The following TNNI3K variants were observed in gnomAD, a reference collection of about 807,000 sequenced individuals.
TNNI3K encodes the protein TNNI3 interacting kinase, also known as serine/threonine-protein kinase TNNI3K.
In TNNI3K, 140 loss-of-function variants were observed where a neutral mutation model predicts 114.5. That is an observed-to-expected ratio of 1.22 (90% CI 1.07 to 1.41). TNNI3K has a LOEUF of 1.41. Among genes scored for constraint, TNNI3K ranks in the 40% most tolerant of loss-of-function variants. The pLI is 0.00. For missense variants in TNNI3K, 1,125 were observed against 1,007.6 expected (o/e 1.12, Z -1.58); for synonymous variants, 347 against 347.5 (o/e 1.00, Z 0.02).
Position 74,414,252 on chromosome 1 carries a change from C to G in TNNI3K, c.1773-21828C>G, listed in dbSNP as rs1434248134. 2.0e-5 allele frequency among the ~76,000 whole-genome samples: 3 copies of G among 152,122 alleles called. No individual in the cohort carries two copies. The East Asian group carries it at 5.8e-4, about 29-fold the overall frequency. On this transcript the variant is annotated intron_variant, in intron 17 of 24. Transcript: ENST00000326637. Reference sequence around the variant, plus strand: ...AATAACAAATCATTCTGCATTTTCTCTAAAATTTATACCTTGACATTGTGA... The same window carrying G: ...AATAACAAATCATTCTGCATTTTCTGTAAAATTTATACCTTGACATTGTGA...
intron 23 of TNNI3K, among the ~76,000 whole-genome samples, chr1:74,496,495 T>A (rs970174174): frequency 1.3e-5 from 2 of 152,188 alleles, no homozygotes; most frequent in Admixed American, 1.3e-4. Context: ...CAACACTGTC[T>A]TGAGAAATGA....
intron 20 of TNNI3K, among the ~76,000 whole-genome samples, chr1:74,443,551 C>T (rs562561648): frequency 1.3e-4 from 20 of 152,092 alleles, no homozygotes; most frequent in South Asian, 4.2e-4. Context: ...CAGGACCAGA[C>T]GGATTTACAA....
At chr1:74,510,025 G>A (rs887259746) in intron 23 of TNNI3K, among the ~76,000 whole-genome samples, 4 of 152,012 alleles carry the variant, frequency 2.6e-5, no homozygotes, top group Admixed American at 2.0e-4. Context: ...GAGCCTATGC[G>A]CCCAGCTTGA....
intron 20 of TNNI3K, among the ~76,000 whole-genome samples, chr1:74,442,688 C>G (rs1052468351): frequency 6.6e-6 from 1 of 152,016 alleles, no homozygotes; most frequent in Non-Finnish European, 1.5e-5. Flanking sequence ...TTTTATTATA[C>G]TTATCTCTAT....
chr1:74,253,395 C>A (rs1043332600), intron 4 of TNNI3K, among the ~76,000 whole-genome samples: 2 of 152,096 alleles, frequency 1.3e-5, no homozygotes, highest in Non-Finnish European at 2.9e-5. Flanking sequence ...GGGGGCAGCA[C>A]GCTTTGGGTA....
intron 23 of TNNI3K, among the ~76,000 whole-genome samples, chr1:74,499,830 G>C (rs1669518070): frequency 6.6e-6 from 1 of 152,016 alleles, no homozygotes; most frequent in Non-Finnish European, 1.5e-5. Context: ...CTTTTAGTAA[G>C]AGTTTACAAT....
chr1:74,535,297 C>G (rs916057448), intron 23 of TNNI3K, among the ~76,000 whole-genome samples: 8 of 151,992 alleles, frequency 5.3e-5, no homozygotes, highest in African/African-American at 1.9e-4. Flanking sequence ...TGATGAAGCC[C>G]CATCTCTACT....
chr1:74,354,276 C>A, intron 11 of TNNI3K, 147 bp downstream of exon 11: 1 of 1,333,662 alleles, frequency 7.5e-7, no homozygotes, highest in Non-Finnish European at 1.0e-6. Context: ...GGCCTTGGAT[C>A]AAAGAGTCCA....
chr1:74,479,325 G>A (rs1368720769), intron 21 of TNNI3K, among the ~76,000 whole-genome samples: 1 of 152,176 alleles, frequency 6.6e-6, no homozygotes, highest in African/African-American at 2.4e-5. Context: ...TATTCATCCA[G>A]TGAGATGTAA....
intron 4 of TNNI3K, among the ~76,000 whole-genome samples, chr1:74,270,590 T>G (rs1656283196): frequency 6.6e-6 from 1 of 151,794 alleles, no homozygotes; most frequent in Non-Finnish European, 1.5e-5. Flanking sequence ...TTGTAGGCCT[T>G]TATGCAGGTG....
chr1:74,394,072 C>T (rs140481081), intron 17 of TNNI3K, among the ~76,000 whole-genome samples: 170 of 152,202 alleles, frequency 1.1e-3, no homozygotes, highest in African/African-American at 3.7e-3. Context: ...TAGGGTAAAC[C>T]GTATGAAACT....
intron 4 of TNNI3K, among the ~76,000 whole-genome samples, chr1:74,254,361 A>C (rs545432153): frequency 6.6e-6 from 1 of 152,218 alleles, no homozygotes; most frequent in East Asian, 1.9e-4. Context: ...AATTGTCCCA[A>C]TTGTGTCATT....
Position 74,308,978 on chromosome 1 carries a change from A to G in TNNI3K, c.445-22472A>G, listed in dbSNP as rs367861768. ...AAGAAATTGAAACCTCAAACCAAAC[A>G]ATAAAAAATTATGAAACTGAATCAG... On this transcript the variant is annotated intron_variant, in intron 5 of 24. Coordinates refer to ENST00000326637, the MANE Select transcript of TNNI3K (RefSeq NM_015978.3). Among the ~76,000 whole-genome samples the G allele has an allele frequency of 1.4e-4, 22 of 152,310 alleles. No homozygotes were observed. In the East Asian group the frequency reaches 3.9e-3, roughly 27 times the overall value.
At chr1:74,439,823 C>G (rs1245483253) in intron 20 of TNNI3K, among the ~76,000 whole-genome samples, 2 of 151,916 alleles carry the variant, frequency 1.3e-5, no homozygotes, top group Non-Finnish European at 2.9e-5. Context: ...GACCGAGACA[C>G]ACAGAAATGC....
intron 5 of TNNI3K, among the ~76,000 whole-genome samples, chr1:74,316,349 T>C (rs781454530): frequency 1.5e-4 from 23 of 152,222 alleles, no homozygotes; most frequent in Non-Finnish European, 2.9e-4. Flanking sequence ...ATTTTTAAAG[T>C]CTATGAGATA....
intron 17 of TNNI3K, among the ~76,000 whole-genome samples, chr1:74,415,719 A>T (rs796321320): frequency 6.7e-6 from 1 of 150,302 alleles, no homozygotes; most frequent in African/African-American, 2.5e-5. Context: ...TCTTTCCTAT[A>T]TAGACTAAAT....
chr1:74,393,098 G>T (rs1557539812), intron 17 of TNNI3K, among the ~76,000 whole-genome samples: 1 of 152,142 alleles, frequency 6.6e-6, no homozygotes, highest in African/African-American at 2.4e-5. Flanking sequence ...GTGCTGAGAG[G>T]AGTGAAGGTA....
In TNNI3K at chr1:74,439,527, G is replaced by T. The variant is rs1185234949; in HGVS notation, c.1916G>T (p.Cys639Phe). Residue 639 changes from cysteine to phenylalanine, a missense_variant, in exon 20 of 25, where the codon TGC becomes TTC. Transcript: ENST00000326637. ...RWMAPEVFTQCTRYTIKADVF... is the reference protein window; with the variant it reads ...RWMAPEVFTQFTRYTIKADVF... ...ATGGCTCCTGAGGTGTTCACGCAGT[G>T]CACTCGGTACACCATCAAAGCAGAT... is the stretch of plus-strand genomic sequence containing the variant. The T allele has an allele frequency of 6.2e-7, 1 of 1,613,312 alleles. No individual in the cohort carries two copies. Among genetic ancestry groups the T allele is most frequent in the Admixed American group, 1.7e-5 (1 of 59,862 alleles).
At chr1:74,294,789 T>G (rs1657881646) in intron 5 of TNNI3K, among the ~76,000 whole-genome samples, 1 of 152,056 alleles carries the variant, frequency 6.6e-6, no homozygotes, top group African/African-American at 2.4e-5. Flanking sequence ...TCCTCAGGTA[T>G]CTGGTCAGAA....
Sources: allele counts gnomAD v4.1 joint callset (sites outside exome capture counted in the v4.1 genomes callset), GRCh38; gene constraint gnomAD v4.1.1; transcripts MANE v1.5; gene names NCBI Gene and HGNC (gene_info 2026-07-23, HGNC 2026-07-21).